Variants in DACH2 observed in about 807,000 individuals in gnomAD.
DACH2 encodes dachshund family transcription factor 2.
In DACH2, 17 loss-of-function variants were observed where a neutral mutation model predicts 35.8. The observed-to-expected ratio is 0.48, with a 90% CI of 0.33 to 0.71. DACH2 has a LOEUF of 0.71. Ranked by LOEUF, DACH2 falls within the 30% of genes least tolerant of loss-of-function variation. DACH2 has a pLI of 0.02. For synonymous variants in DACH2, 195 were observed against 177.3 expected, an observed-to-expected ratio of 1.10 and a Z score of -0.79; for missense variants, 469 against 472.7, an observed-to-expected ratio of 0.99 and a Z score of 0.07.
intron 2 of DACH2, among the ~76,000 whole-genome samples, chrX:86,410,411 T>A (rs1363101531): frequency 8.9e-6 from 1 of 111,844 alleles, no homozygotes; most frequent in Non-Finnish European, 1.9e-5. Flanking sequence ...GATGTCTAAA[T>A]TAAACATTGT....
intron 2 of DACH2, among the ~76,000 whole-genome samples, chrX:86,477,418 AC>A (rs1385575494): frequency 9.9e-6 from 1 of 101,504 alleles, no homozygotes; most frequent in Non-Finnish European, 2.0e-5. Context: ...TGATATAGTG[AC>A]CTTCTTTGTC....
chrX:86,188,709 AGG>A (rs1176341795), intron 1 of DACH2, among the ~76,000 whole-genome samples: 1 of 112,007 alleles, frequency 8.9e-6, no homozygotes, highest in East Asian at 2.8e-4. Context: ...GATGCAAGGA[AGG>A]GGCCATTAGC....
At chrX:86,745,334 G>C (rs971497470) in intron 7 of DACH2, among the ~76,000 whole-genome samples, 4 of 111,103 alleles carry the variant, frequency 3.6e-5, no homozygotes, top group African/African-American at 1.3e-4. Context: ...TGTGTCACTT[G>C]GGTTTGGCGT....
intron 2 of DACH2, among the ~76,000 whole-genome samples, chrX:86,408,501 C>T (rs756876080): frequency 1.3e-4 from 14 of 111,627 alleles, no homozygotes; most frequent in Non-Finnish European, 1.9e-4. Context: ...GTTTCTCTTA[C>T]GAGTATTATT....
intron 3 of DACH2, among the ~76,000 whole-genome samples, chrX:86,546,418 T>TTC (rs1368469867): frequency 2.6e-3 from 87 of 33,866 alleles, no homozygotes; most frequent in African/African-American, 5.1e-3. Context: ...CTTCTTCTTC[T>TTC]TTCTTCTTCT....
chrX:86,812,352 T>C, intron 7 of DACH2, among the ~76,000 whole-genome samples: 1 of 111,488 alleles, frequency 9.0e-6, no homozygotes, highest in Non-Finnish European at 1.9e-5. Context: ...GAAATTAAGA[T>C]GTTCTAAAAT....
At chrX:86,496,369 T>A in intron 2 of DACH2, among the ~76,000 whole-genome samples, 1 of 111,126 alleles carries the variant, frequency 9.0e-6, no homozygotes, top group East Asian at 2.8e-4. Flanking sequence ...CTTACATTAT[T>A]AGAAAATATT....
intron 7 of DACH2, among the ~76,000 whole-genome samples, chrX:86,798,283 G>A (rs1260023908): frequency 9.0e-6 from 1 of 111,674 alleles, no homozygotes; most frequent in East Asian, 2.8e-4. Flanking sequence ...AAACACAGTT[G>A]ACAACCACTA....
chrX:86,583,779 G>T (rs1406752520), intron 3 of DACH2, among the ~76,000 whole-genome samples: 1 of 109,906 alleles, frequency 9.1e-6, no homozygotes, highest in Non-Finnish European at 1.9e-5. Flanking sequence ...TAGTGTGTGT[G>T]TGAGTGTGTG....
chrX:86,434,503 AT>A (rs1302793905), intron 2 of DACH2, among the ~76,000 whole-genome samples: 1 of 111,772 alleles, frequency 8.9e-6, no homozygotes, highest in African/African-American at 3.2e-5. Context: ...ATATTCACTT[AT>A]TTTTTAATAC....
chrX:86,584,851 T>G (rs985091853), intron 3 of DACH2, among the ~76,000 whole-genome samples: 6 of 111,318 alleles, frequency 5.4e-5, no homozygotes, highest in African/African-American at 2.0e-4. Context: ...GTTCCCATCC[T>G]TATGTCCATA....
intron 6 of DACH2, among the ~76,000 whole-genome samples, chrX:86,723,199 T>C (rs990531403): frequency 3.6e-5 from 4 of 111,872 alleles, no homozygotes; most frequent in African/African-American, 1.3e-4. Context: ...TTTTTATTTG[T>C]ATCTTTTGTT....
At chrX:86,289,203 G>A (rs1004143690) in intron 1 of DACH2, among the ~76,000 whole-genome samples, 2 of 107,754 alleles carry the variant, frequency 1.9e-5, no homozygotes, top group Non-Finnish European at 3.8e-5. Context: ...TGGAAAGGGT[G>A]CCTCATGACT....
Position 86,428,864 on chromosome X carries a change from A to T in DACH2, c.527+52002A>T, listed in dbSNP as rs377477473. The stretch of plus-strand genomic sequence containing the variant: ...CTCATCCTTAAGCTTGTTATTTTTC[A>T]TAGGGTATTTTATAATTTGAAGATA... On this transcript the variant is annotated intron_variant, in intron 2 of 11. Transcript: ENST00000373125. 2.6e-4 allele frequency among the ~76,000 whole-genome samples: 29 copies of T among 110,880 alleles called. No individual in the cohort carries two copies. In the East Asian group the frequency reaches 3.1e-3, roughly 12 times the overall value.
chrX:86,751,910 A>G (rs899280851), intron 7 of DACH2, among the ~76,000 whole-genome samples: 1 of 112,055 alleles, frequency 8.9e-6, no homozygotes, highest in Non-Finnish European at 1.9e-5. Context: ...CAGAAATAAA[A>G]AGAACAATAT....
intron 2 of DACH2, among the ~76,000 whole-genome samples, chrX:86,479,155 G>C (rs1364764894): frequency 9.0e-6 from 1 of 111,355 alleles, no homozygotes; most frequent in Non-Finnish European, 1.9e-5. Flanking sequence ...TCGATGGCCT[G>C]TCGGCATCTG....
chrX:86,189,434 GT>G (rs2031766191), intron 1 of DACH2, among the ~76,000 whole-genome samples: 1 of 111,598 alleles, frequency 9.0e-6, no homozygotes, highest in Non-Finnish European at 1.9e-5. Context: ...TAATTTAATT[GT>G]TTAAGACTCC....
intron 3 of DACH2, among the ~76,000 whole-genome samples, chrX:86,542,010 A>G (rs1309189622): frequency 1.8e-5 from 2 of 111,878 alleles, no homozygotes; most frequent in African/African-American, 6.5e-5. Context: ...CCCTATCTCC[A>G]TCAAATACCT....
intron 1 of DACH2, chrX:86,304,519 A>G (rs1431112260): frequency 2.2e-5 from 3 of 139,529 alleles, no homozygotes; most frequent in South Asian, 1.9e-4. Context: ...TCAGTATTCC[A>G]TGGTCATTTC....
Sources: allele counts gnomAD v4.1 joint callset (sites outside exome capture counted in the v4.1 genomes callset), GRCh38; gene constraint gnomAD v4.1.1; transcripts MANE v1.5; gene names NCBI Gene and HGNC (gene_info 2026-07-23, HGNC 2026-07-21).